Variants in C2CD3 observed in about 807,000 individuals in gnomAD.
C2CD3 encodes the protein C2 domain containing 3 centriole elongation regulator.
A neutral mutation model predicts 234.0 loss-of-function variants in C2CD3; 148 were observed. The observed-to-expected ratio is 0.63, with a 90% confidence interval of 0.55 to 0.72. C2CD3 has a LOEUF of 0.72. Among genes scored for constraint, C2CD3 ranks in the 30% least tolerant of loss-of-function variants. The pLI is 0.00. For missense variants in C2CD3, 2,577 were observed against 2,811.5 expected, an observed-to-expected ratio of 0.92 and a Z score of 1.89; for synonymous variants, 1,000 against 1,035.4, an observed-to-expected ratio of 0.97 and a Z score of 0.66.
At position 74,106,423 on chromosome 11, in the gene C2CD3, T is replaced by C; in HGVS notation, c.2033A>G (p.Asp678Gly). 6.2e-7 allele frequency: 1 copy of C among 1,614,076 alleles called. No homozygotes were observed. Among genetic ancestry groups the C allele is most frequent in the South Asian group, 1.1e-5 (1 of 91,078 alleles). ...ATTTTCTTGTTGCACTGGAAGCTGA[T>C]CACTGAAAGAAAGCAGCTCTGATTG... is the stretch of plus-strand genomic sequence containing the variant. ...VIQSELLSFS[D>G]QLPVQQENGQ... Residue 678 changes from aspartate (D) to glycine (G), a missense_variant, in exon 13 of 33, where the codon GAT becomes GGT. Coordinates refer to ENST00000334126, the MANE Select transcript of C2CD3 (RefSeq NM_001286577.2).
chr11:74,058,265 C>T (rs561982294), intron 24 of C2CD3, among the ~76,000 whole-genome samples: 1 of 152,118 alleles, frequency 6.6e-6, no homozygotes, highest in Admixed American at 6.5e-5. Context: ...ACTTACACTT[C>T]CAAAGATATT....
chr11:74,163,007 T>C (rs1369571635), intron 2 of C2CD3, among the ~76,000 whole-genome samples: 1 of 152,200 alleles, frequency 6.6e-6, no homozygotes, highest in Non-Finnish European at 1.5e-5. Context: ...CTTAGACTAA[T>C]ACCTTCATGC....
At chr11:74,150,597 T>G (rs1190021359) in intron 3 of C2CD3, among the ~76,000 whole-genome samples, 1 of 150,862 alleles carries the variant, frequency 6.6e-6, no homozygotes, top group Non-Finnish European at 1.5e-5. Context: ...CAGGTACTTA[T>G]TATCCAGCTT....
intron 22 of C2CD3, among the ~76,000 whole-genome samples, chr11:74,082,592 G>A (rs1955436326): frequency 6.6e-6 from 1 of 152,080 alleles, no homozygotes; most frequent in Non-Finnish European, 1.5e-5. Context: ...TATGTTTATT[G>A]ATTTGCATAT....
intron 31 of C2CD3, among the ~76,000 whole-genome samples, chr11:74,029,954 C>T (rs1952458463): frequency 6.6e-6 from 1 of 152,114 alleles, no homozygotes; most frequent in African/African-American, 2.4e-5. Context: ...TGGAATTTTG[C>T]CATGTTACCC....
chr11:74,023,410 T>C (rs1022342123), intron 32 of C2CD3, among the ~76,000 whole-genome samples: 1 of 152,222 alleles, frequency 6.6e-6, no homozygotes, highest in East Asian at 1.9e-4. Flanking sequence ...TTCTCAAATG[T>C]GGATACAGGA....
chr11:74,037,508 G>C lies in C2CD3; in HGVS notation c.5851C>G (p.Leu1951Val). 6.2e-7 allele frequency: 1 copy of C among 1,614,076 alleles called. No homozygotes were observed. Residue 1951 changes from leucine (L) to valine (V), a missense_variant, in exon 30 of 33, where the codon CTG (leucine) becomes GTG (valine). Physicochemically the swap from Leu to Val is conservative, Grantham distance 32. Transcript: ENST00000334126. ...SQCILEKSSN[L>V]VLQVSSLITD... ...ATTAAGGAGCTGACTTGCAACACCA[G>C]GTTACTGGATTTCTCCAGGATACAC...
chr11:74,166,053 G>A (rs1463199790), intron 2 of C2CD3, among the ~76,000 whole-genome samples: 1 of 152,040 alleles, frequency 6.6e-6, no homozygotes, highest in Non-Finnish European at 1.5e-5. Flanking sequence ...GCTCACACCT[G>A]TAATCCCAGC....
Position 74,152,757 on chromosome 11 carries a change from C to T in C2CD3, c.483+8642G>A, listed in dbSNP as rs1024912894. On this transcript the variant is annotated intron_variant, in intron 3 of 32. Transcript: ENST00000334126. ...GAATCAATAAAATAGGCCATATTAA[C>T]AGACCAAAAGAAAAAAATCCAAATG... Among the ~76,000 whole-genome samples, 6 of 152,194 alleles carry T rather than the reference C, an allele frequency of 3.9e-5. No individual in the cohort carries two copies. In the South Asian group the frequency reaches 1.2e-3, roughly 32 times the overall value.
At chr11:74,058,653 T>C (rs1954070963) in intron 24 of C2CD3, among the ~76,000 whole-genome samples, 1 of 152,104 alleles carries the variant, frequency 6.6e-6, no homozygotes, top group Admixed American at 6.6e-5. Context: ...TGTAAAATAC[T>C]GGGTGCTGGT....
At position 74,106,379 on chromosome 11, in the gene C2CD3, G is replaced by A. The variant is rs903634138; in HGVS notation, c.2077C>T (p.Pro693Ser). The stretch of plus-strand genomic sequence containing the variant: ...AATGTATATCTACATACCTTGAGGG[G>A]GCCAAATGGAGACTGACCATTTTCT... ...QQENGQSPFG[P>S]LKVTMELITD... The change falls in exon 13 of 33, where the codon CCC becomes TCC. Residue 693 changes from proline to serine, a missense_variant. Transcript: ENST00000334126. 9 of 1,613,858 alleles carry A rather than the reference G, an allele frequency of 5.6e-6. No individual in the cohort carries two copies. Among genetic ancestry groups the A allele is most frequent in the Non-Finnish European group, 5.1e-6 (6 of 1,179,942 alleles).
chr11:74,072,676 A>C (rs1954854474), intron 24 of C2CD3, among the ~76,000 whole-genome samples: 1 of 151,878 alleles, frequency 6.6e-6, no homozygotes, highest in Non-Finnish European at 1.5e-5. Flanking sequence ...ATATATTCCT[A>C]CTAGAATGTA....
At chr11:74,116,098 T>A (rs1273929310) in intron 9 of C2CD3, among the ~76,000 whole-genome samples, 5 of 151,796 alleles carry the variant, frequency 3.3e-5, no homozygotes, top group Non-Finnish European at 7.4e-5. Context: ...CAAAAGCAAA[T>A]GCAACAAAAA....
Position 74,028,376 on chromosome 11 carries a change from T to C in C2CD3, c.6832A>G (p.Asn2278Asp). The stretch of plus-strand genomic sequence containing the variant: ...AACTGCTGGGGAGGCAAAAAGAAGT[T>C]GGGCACCACAATGGGCCCTGGGCTA... ...LLLPGPIVVP[N>D]FFLPPQQLEA... Residue 2278 changes from asparagine (N) to aspartate (D), a missense_variant, in exon 32 of 33, where the codon AAC (asparagine) becomes GAC (aspartate). Physicochemically the swap from Asn to Asp is conservative, Grantham distance 23. Coordinates refer to ENST00000334126, the MANE Select transcript of C2CD3 (RefSeq NM_001286577.2). 6.5e-7 allele frequency: 1 copy of C among 1,535,970 alleles called. No homozygotes were observed. Among genetic ancestry groups the C allele is most frequent in the Non-Finnish European group, 8.7e-7 (1 of 1,146,836 alleles).
intron 32 of C2CD3, among the ~76,000 whole-genome samples, chr11:74,021,140 A>C (rs1235602242): frequency 1.3e-5 from 2 of 152,110 alleles, no homozygotes; most frequent in African/African-American, 4.8e-5. Context: ...AGTCCCAGCT[A>C]CTCAGGAGGC....
At chr11:74,143,910 T>C (rs185067456) in intron 3 of C2CD3, among the ~76,000 whole-genome samples, 1 of 152,282 alleles carries the variant, frequency 6.6e-6, no homozygotes, top group Non-Finnish European at 1.5e-5. Context: ...AAAATAATTA[T>C]CATTTTATTC....
chr11:74,067,330 A>C (rs926094416), intron 24 of C2CD3, among the ~76,000 whole-genome samples: 2 of 152,150 alleles, frequency 1.3e-5, no homozygotes, highest in African/African-American at 4.8e-5. Flanking sequence ...ACAAGTTGCC[A>C]ACAAAGCAGG....
At chr11:74,030,165 A>C (rs1438419379) in intron 31 of C2CD3, among the ~76,000 whole-genome samples, 1 of 152,178 alleles carries the variant, frequency 6.6e-6, no homozygotes, top group East Asian at 1.9e-4. Flanking sequence ...GTTACCACCC[A>C]GCTCTCTGTC....
At chr11:74,052,259 T>A (rs1328062417) in intron 26 of C2CD3, among the ~76,000 whole-genome samples, 1 of 152,236 alleles carries the variant, frequency 6.6e-6, no homozygotes, top group African/African-American at 2.4e-5. Flanking sequence ...CCTAGCATAG[T>A]ACCTGACACA....
Sources: allele counts gnomAD v4.1 joint callset (sites outside exome capture counted in the v4.1 genomes callset), GRCh38; gene constraint gnomAD v4.1.1; transcripts MANE v1.5; gene names NCBI Gene and HGNC (gene_info 2026-07-23, HGNC 2026-07-21).